WSB1: variants seen among roughly 807,000 people sequenced by gnomAD.
WSB1 encodes the protein WD repeat and SOCS box containing 1, also known as WD repeat and SOCS box-containing protein 1.
Under a neutral mutation model 50.2 loss-of-function variants are expected in WSB1, and 23 were observed. That is an observed-to-expected ratio of 0.46 (90% CI 0.33 to 0.65). WSB1 has a LOEUF of 0.65. Ranked by LOEUF, WSB1 falls within the 30% of genes least tolerant of loss-of-function variation. WSB1 has a pLI of 0.02. For synonymous variants in WSB1, 179 were observed against 172.0 expected, an observed-to-expected ratio of 1.04 and a Z score of -0.32; for missense variants, 492 against 522.3, an observed-to-expected ratio of 0.94 and a Z score of 0.56.
chr17:27,306,943 C>A, intron 5 of WSB1, 61 bp downstream of exon 5: 1 of 1,502,896 alleles, frequency 6.7e-7, no homozygotes, highest in South Asian at 1.2e-5. Context: ...TGTGCATAAT[C>A]ATTTTAAATC....
At chr17:27,296,697 G>A (rs1024905944) in intron 1 of WSB1, among the ~76,000 whole-genome samples, 13 of 152,222 alleles carry the variant, frequency 8.5e-5, no homozygotes, top group African/African-American at 2.9e-4. Context: ...CAGTGACTCA[G>A]ATGGTATGTT....
chr17:27,294,347 C>G lies in WSB1; in HGVS notation c.-49C>G, dbSNP rs2016853004. 1 of 1,608,648 alleles carries G rather than the reference C, an allele frequency of 6.2e-7. No individual in the cohort carries two copies. Among genetic ancestry groups the G allele is most frequent in the Non-Finnish European group, 8.5e-7 (1 of 1,176,358 alleles). ...CCCTCAGCGGTCGCCACTCTCTTCT[C>G]TGTTGTTGGGTCCGCATCGTATTCC... is the stretch of plus-strand genomic sequence containing the variant. On this transcript the variant is annotated 5_prime_UTR_variant, in exon 1 of 9. Transcript: ENST00000262394.
rs1002402247 is a variant in WSB1, at chr17:27,314,276, T to C, written c.*1907T>C. On this transcript the variant is annotated 3_prime_UTR_variant, in exon 9 of 9. Transcript: ENST00000262394. ...TTTACTTTGTAATATATCGGCTTTATAATTTTAAAATACACTGGCCGGGCG... is the reference window on the plus strand; with the variant it reads ...TTTACTTTGTAATATATCGGCTTTACAATTTTAAAATACACTGGCCGGGCG... 2 of 152,202 alleles carry C rather than the reference T, an allele frequency of 1.3e-5. No individual in the cohort carries two copies. The highest frequency in any genetic ancestry group is 4.8e-5 in the African/African-American group (2 of 41,450). 9.4% of individuals were successfully genotyped at this position (152,202 alleles called of 1,614,324 possible).
At chr17:27,296,209 C>A (rs1177974607) in intron 1 of WSB1, among the ~76,000 whole-genome samples, 1 of 151,842 alleles carries the variant, frequency 6.6e-6, no homozygotes, top group Non-Finnish European at 1.5e-5. Context: ...ACTAAGTGTT[C>A]CCCCACTAGC....
At chr17:27,294,563 G>T (rs1223172744) in intron 1 of WSB1, 128 bp downstream of exon 1, 7 of 1,345,268 alleles carry the variant, frequency 5.2e-6, no homozygotes, top group Non-Finnish European at 6.1e-6. Context: ...CAGCCCACTA[G>T]CGAGGAGGAG....
At chr17:27,303,240 T>G in intron 2 of WSB1, 127 bp from the exon 3 acceptor site, 1 of 1,049,894 alleles carries the variant, frequency 9.5e-7, no homozygotes, top group Non-Finnish European at 1.4e-6. Context: ...TCTATAGGAT[T>G]CTATTGTTAT....
At chr17:27,295,130 G>A (rs1031340145) in intron 1 of WSB1, among the ~76,000 whole-genome samples, 3 of 152,154 alleles carry the variant, frequency 2.0e-5, no homozygotes. Flanking sequence ...AAGGTTGTGC[G>A]TCCACACCTA....
chr17:27,315,166 G>A lies in WSB1; in HGVS notation c.*2797G>A, dbSNP rs775202896. The A allele has an allele frequency of 1.2e-4, 18 of 152,150 alleles. No individual in the cohort carries two copies. The highest frequency in any genetic ancestry group is 2.1e-4 in the Non-Finnish European group (14 of 68,032). 9.4% of individuals were successfully genotyped at this position (152,150 alleles called of 1,614,324 possible). A position where few individuals can be genotyped will look rare whatever the true frequency, so the allele number is the denominator to read the frequency against. On this transcript the variant is annotated 3_prime_UTR_variant, in exon 9 of 9. Coordinates refer to ENST00000262394, the MANE Select transcript of WSB1 (RefSeq NM_015626.10). ...AGACTGAAGGACCAAAGGAAAATAGGGAAGACGTTGATTATGGACTTGGAT... is the reference window on the plus strand; with the variant it reads ...AGACTGAAGGACCAAAGGAAAATAGAGAAGACGTTGATTATGGACTTGGAT...
intron 5 of WSB1, chr17:27,308,765 C>G (rs1192319264): frequency 2.0e-6 from 2 of 994,080 alleles, no homozygotes; most frequent in Non-Finnish European, 2.4e-6. Context: ...AGTACTTAAC[C>G]CTATTTATTT....
intron 1 of WSB1, among the ~76,000 whole-genome samples, chr17:27,299,461 T>TTATTGTGC (rs1240112255): frequency 6.6e-6 from 1 of 152,144 alleles, no homozygotes; most frequent in Non-Finnish European, 1.5e-5. Flanking sequence ...CAGTGCGCAG[T>TTATTGTGC]TATTGTGCTA....
intron 2 of WSB1, 74 bp downstream of exon 2, chr17:27,302,030 A>G (rs956762355): frequency 7.0e-7 from 1 of 1,420,596 alleles, no homozygotes; most frequent in African/African-American, 1.5e-5. Context: ...AGGGTAATAA[A>G]AACATTTTGA....
At chr17:27,305,618 GC>G (rs1168546457) in intron 4 of WSB1, among the ~76,000 whole-genome samples, 1 of 152,188 alleles carries the variant, frequency 6.6e-6, no homozygotes, top group Admixed American at 6.5e-5. Flanking sequence ...AGGTTAACAG[GC>G]TTGCCTAGGG....
At position 27,311,633 on chromosome 17, in the gene WSB1, C is replaced by CTTTTTTTT. The variant is rs142949229; in HGVS notation, c.1106+36_1106+43dup. On this transcript the variant is annotated intron_variant, in intron 8 of 8. Coordinates refer to ENST00000262394, the MANE Select transcript of WSB1 (RefSeq NM_015626.10). ...AGCTGCTGGGTAAATATATTTTTCTCTTTTTTTTTTTTTTTTTTTTTTTTT... is the reference window on the plus strand; with the variant it reads ...AGCTGCTGGGTAAATATATTTTTCTCTTTTTTTTTTTTTTTTTTTTTTTTTTTTTTTTT... The CTTTTTTTT allele has an allele frequency of 3.1e-4, 152 of 491,118 alleles. No homozygotes were observed. Among genetic ancestry groups the CTTTTTTTT allele is most frequent in the South Asian group, 1.1e-3 (38 of 35,960 alleles). 30.4% of individuals were successfully genotyped at this position (491,118 alleles called of 1,614,324 possible). A position where few individuals can be genotyped will look rare whatever the true frequency, so the allele number is the denominator to read the frequency against.
At chr17:27,294,562 A>G in intron 1 of WSB1, 127 bp downstream of exon 1, 2 of 1,342,844 alleles carry the variant, frequency 1.5e-6, no homozygotes, top group Non-Finnish European at 2.0e-6. Context: ...CCAGCCCACT[A>G]GCGAGGAGGA....
intron 3 of WSB1, 117 bp downstream of exon 3, chr17:27,303,752 A>G: frequency 1.5e-6 from 2 of 1,299,556 alleles, no homozygotes; most frequent in Non-Finnish European, 2.1e-6. Context: ...AATTGATGGC[A>G]TAGGTGCGTC....
chr17:27,309,849 G>A (rs2017603138), intron 6 of WSB1, among the ~76,000 whole-genome samples: 1 of 152,150 alleles, frequency 6.6e-6, no homozygotes, highest in Non-Finnish European at 1.5e-5. Context: ...CCAAAGTGCT[G>A]GGATTACAGG....
Position 27,299,863 on chromosome 17 carries a change from G to C in WSB1, c.41-1925G>C, listed in dbSNP as rs372767297. Among the ~76,000 whole-genome samples the C allele has an allele frequency of 3.9e-5, 6 of 152,276 alleles. No individual in the cohort carries two copies. The South Asian group carries it at 8.3e-4, about 21-fold the overall frequency. Reference sequence around the variant, plus strand: ...GGTCAGAATCAGTACTGAGTGGGTAGAGTGGTAGGAGGAAGATTTTGAGTC... The same window carrying C: ...GGTCAGAATCAGTACTGAGTGGGTACAGTGGTAGGAGGAAGATTTTGAGTC... On this transcript the variant is annotated intron_variant, in intron 1 of 8. Transcript: ENST00000262394.
chr17:27,294,812 G>A (rs2016883885), intron 1 of WSB1, among the ~76,000 whole-genome samples: 1 of 152,210 alleles, frequency 6.6e-6, no homozygotes, highest in Non-Finnish European at 1.5e-5. Context: ...AAACTTGTGG[G>A]TTGTAAGCGG....
At position 27,312,224 on chromosome 17, in the gene WSB1, G is replaced by C. The variant is rs368213903; in HGVS notation, c.1121G>C (p.Ser374Thr). ...TTTCTGTTTAGGACACATGACGGAA[G>C]TGTGTATTTTTGGGCCACTCCACGG... ...SVLAAGTHDG[S>T]VYFWATPRQV... Residue 374 changes from serine (S) to threonine (T), a missense_variant, in exon 9 of 9, where the codon AGT (serine) becomes ACT (threonine). Physicochemically the swap from Ser to Thr is moderately conservative, Grantham distance 58. Transcript: ENST00000262394. The C allele has an allele frequency of 6.2e-7, 1 of 1,611,840 alleles. No individual in the cohort carries two copies. The highest frequency in any genetic ancestry group is 8.5e-7 in the Non-Finnish European group (1 of 1,179,488).
Sources: gnomAD v4.1 joint callset for allele counts (sites outside exome capture counted in the v4.1 genomes callset) on GRCh38, gnomAD v4.1.1 for gene constraint, MANE v1.5 for transcripts, NCBI Gene and HGNC (gene_info 2026-07-23, HGNC 2026-07-21) for gene names.